NEMP2: variants seen among roughly 807,000 people sequenced by gnomAD.
The protein encoded by NEMP2 is nuclear envelope integral membrane protein 2.
NEMP2 carries 53 observed loss-of-function variants against 54.2 expected under a neutral mutation model. The observed-to-expected ratio is 0.98, with a 90% CI of 0.78 to 1.23. The LOEUF (loss-of-function observed/expected upper bound fraction) is 1.23, where lower values mean the gene tolerates loss of function less well. NEMP2 is among the 50% of genes most tolerant of loss of function. The pLI is 0.00. For missense variants in NEMP2, 455 were observed against 511.3 expected (o/e 0.89, Z 1.06); for synonymous variants, 197 against 190.3 (o/e 1.04, Z -0.29).
chr2:190,558,210 A>T, the NEMP2 span, among the ~76,000 whole-genome samples: 3 of 152,192 alleles, frequency 2.0e-5, no homozygotes, highest in Non-Finnish European at 4.4e-5. This position sits in a 1 kb window ranked among gnomAD's most constrained non-coding sequence, Gnocchi z 4.4. Flanking sequence ...TTCTCAGCAA[A>T]CTAACACAAG....
the NEMP2 span, among the ~76,000 whole-genome samples, chr2:190,590,352 G>C: frequency 6.6e-6 from 1 of 152,106 alleles, no homozygotes; most frequent in African/African-American, 2.4e-5. The surrounding 1 kb of genome is among the most constrained non-coding windows in gnomAD (Gnocchi z 5.1). Flanking sequence ...CCATGTTTTG[G>C]GCTGTCTAAA....
At chr2:190,627,915 C>G in the NEMP2 span, 3 of 152,254 alleles carry the variant, frequency 2.0e-5, no homozygotes, top group African/African-American at 7.2e-5. This position sits in a 1 kb window ranked among gnomAD's most constrained non-coding sequence, Gnocchi z 4.4. Context: ...AAGCTGAGCG[C>G]AACAGACTGC....
the NEMP2 span, among the ~76,000 whole-genome samples, chr2:190,490,567 AAAAAAC>A: frequency 6.6e-6 from 1 of 152,162 alleles, no homozygotes; most frequent in South Asian, 2.1e-4. The surrounding 1 kb of genome is among the most constrained non-coding windows in gnomAD (Gnocchi z 4.5). Context: ...CCTCTCAAAA[AAAAAAC>A]AAAAAACAAA....
At chr2:190,502,898 A>C (rs1690084323), downstream of NEMP2, among the ~76,000 whole-genome samples, 1 of 152,186 alleles carries the variant, frequency 6.6e-6, no homozygotes, top group South Asian at 2.1e-4. This position sits in a 1 kb window ranked among gnomAD's most constrained non-coding sequence, Gnocchi z 4.4. Flanking sequence ...CTAACAGTTT[A>C]AGTTATGAGA....
chr2:190,511,586 G>T (rs1247887262), intron 7 of NEMP2, among the ~76,000 whole-genome samples: 2 of 132,846 alleles, frequency 1.5e-5, no homozygotes, highest in Non-Finnish European at 3.1e-5. Context: ...CCAGAGTCTC[G>T]CTCTGTTGCC....
At chr2:190,481,447 T>C in the NEMP2 span, among the ~76,000 whole-genome samples, 1 of 152,196 alleles carries the variant, frequency 6.6e-6, no homozygotes, top group African/African-American at 2.4e-5. Flanking sequence ...CTTCGTCATA[T>C]CCCAACATGT....
the NEMP2 span, chr2:190,443,152 G>T: frequency 2.0e-5 from 3 of 152,092 alleles, no homozygotes; most frequent in Non-Finnish European, 4.4e-5. This position sits in a 1 kb window ranked among gnomAD's most constrained non-coding sequence, Gnocchi z 4.2. Context: ...AACCCTCTGT[G>T]GGTGTTCCTA....
chr2:190,618,057 C>T, the NEMP2 span, among the ~76,000 whole-genome samples: 15 of 152,160 alleles, frequency 9.9e-5, no homozygotes, highest in African/African-American at 1.9e-4. Context: ...CTTAGAGGGG[C>T]GTAGGAGAGA....
At chr2:190,594,893 T>TAAAGA in the NEMP2 span, among the ~76,000 whole-genome samples, 1 of 152,178 alleles carries the variant, frequency 6.6e-6, no homozygotes, top group African/African-American at 2.4e-5. The surrounding 1 kb of genome is among the most constrained non-coding windows in gnomAD (Gnocchi z 5.6). Flanking sequence ...CAGAGAGGTA[T>TAAAGA]AAAGAAAAGT....
At chr2:190,426,130 T>C in the NEMP2 span, among the ~76,000 whole-genome samples, 1 of 152,216 alleles carries the variant, frequency 6.6e-6, no homozygotes, top group Non-Finnish European at 1.5e-5. This position sits in a 1 kb window ranked among gnomAD's most constrained non-coding sequence, Gnocchi z 4.7. Context: ...CCTTTACTTC[T>C]TTGACAACTT....
At chr2:190,460,654 A>G in the NEMP2 span, among the ~76,000 whole-genome samples, 5 of 152,230 alleles carry the variant, frequency 3.3e-5, 1 homozygote, top group Non-Finnish European at 7.3e-5. Flanking sequence ...TACAACCAAG[A>G]TAAGTGTTGT....
At chr2:190,490,812 A>G in the NEMP2 span, among the ~76,000 whole-genome samples, 2 of 152,248 alleles carry the variant, frequency 1.3e-5, no homozygotes, top group Non-Finnish European at 2.9e-5. This position sits in a 1 kb window ranked among gnomAD's most constrained non-coding sequence, Gnocchi z 4.5. Context: ...TTTGCGGAGC[A>G]TTAGCCTCAG....
At chr2:190,608,779 G>T in the NEMP2 span, 1 of 152,278 alleles carries the variant, frequency 6.6e-6, no homozygotes, top group South Asian at 2.1e-4. The surrounding 1 kb of genome is among the most constrained non-coding windows in gnomAD (Gnocchi z 4.9). Context: ...ATATTTTGAA[G>T]GAGCGAGAGA....
the NEMP2 span, among the ~76,000 whole-genome samples, chr2:190,499,010 T>C: frequency 6.6e-6 from 1 of 152,100 alleles, no homozygotes; most frequent in South Asian, 2.1e-4. The surrounding 1 kb of genome is among the most constrained non-coding windows in gnomAD (Gnocchi z 6.0). Context: ...TAGCTGGGCA[T>C]GGTGGCGGGT....
chr2:190,453,829 T>G, the NEMP2 span, among the ~76,000 whole-genome samples: 1 of 152,234 alleles, frequency 6.6e-6, no homozygotes, highest in African/African-American at 2.4e-5. Context: ...CTTGGGCTTA[T>G]CTGGTAAGTG....
the NEMP2 span, among the ~76,000 whole-genome samples, chr2:190,473,334 G>A: frequency 6.6e-6 from 1 of 152,148 alleles, no homozygotes; most frequent in Non-Finnish European, 1.5e-5. Context: ...GCTGTATTCA[G>A]GAAACCCATC....
chr2:190,588,256 G>A, the NEMP2 span, among the ~76,000 whole-genome samples: 1 of 152,278 alleles, frequency 6.6e-6, no homozygotes, highest in South Asian at 2.1e-4. This position sits in a 1 kb window ranked among gnomAD's most constrained non-coding sequence, Gnocchi z 5.0. Context: ...TGGGGAACCA[G>A]AGATGAGGCA....
the NEMP2 span, among the ~76,000 whole-genome samples, chr2:190,475,730 C>A: frequency 3.9e-5 from 6 of 152,168 alleles, no homozygotes; most frequent in Non-Finnish European, 8.8e-5. Flanking sequence ...TCATACGGAA[C>A]CAAAAAAGAG....
Position 190,519,168 on chromosome 2 carries a change from G to C in NEMP2, c.229C>G (p.Pro77Ala). ...ATATATACAATTCTGAACAGGCCTG[G>C]ACTGGTAATTTTCACCTGTAAAACA... ...WSTMQVKITS[P>A]GLFRIVYIAE... The change falls in exon 3 of 9, where the codon CCA becomes GCA. Residue 77 changes from proline to alanine, a missense_variant. Coordinates refer to ENST00000409150, the MANE Select transcript of NEMP2 (RefSeq NM_001142645.2). The surrounding 1 kb of genome is among the most constrained non-coding windows in gnomAD (Gnocchi z 5.4). 6.5e-7 allele frequency: 1 copy of C among 1,546,036 alleles called. No homozygotes were observed. The highest frequency in any genetic ancestry group is 8.7e-7 in the Non-Finnish European group (1 of 1,144,866).
Sources: gnomAD v4.1 joint callset for allele counts (sites outside exome capture counted in the v4.1 genomes callset) on GRCh38, gnomAD v4.1.1 for gene constraint, Gnocchi (gnomAD v3.1) non-coding constraint, MANE v1.5 for transcripts, NCBI Gene and HGNC (gene_info 2026-07-23, HGNC 2026-07-21) for gene names.